CDH2: variants seen among roughly 807,000 people sequenced by gnomAD.
CDH2 encodes cadherin-2.
In CDH2, 17 loss-of-function variants were observed where a neutral mutation model predicts 92.0. The ratio of observed to expected loss-of-function variants is 0.18; its 90% CI spans 0.13 to 0.28. The LOEUF is 0.28. Among genes scored for constraint, CDH2 ranks in the 10% least tolerant of loss-of-function variants. The probability of loss-of-function intolerance (pLI) is 1.00; values close to 1 mark genes in which losing one functional copy is unlikely to be tolerated. For synonymous variants in CDH2, 419 were observed against 415.9 expected (o/e 1.01, Z -0.09); for missense variants, 862 against 1,133.1 (o/e 0.76, Z 3.44).
At chr18:27,953,570 C>T (rs898298230) in intron 15 of CDH2, among the ~76,000 whole-genome samples, 11 of 152,076 alleles carry the variant, frequency 7.2e-5, no homozygotes, top group African/African-American at 1.7e-4. Context: ...ATTTTATGAG[C>T]GCATACATGG....
chr18:27,957,706 T>C (rs1354482822), intron 15 of CDH2, among the ~76,000 whole-genome samples: 1 of 152,138 alleles, frequency 6.6e-6, no homozygotes, highest in African/African-American at 2.4e-5. Flanking sequence ...TGGGCGTAGT[T>C]TTTCCTGCTC....
At chr18:28,020,489 C>A (rs2144055392) in intron 2 of CDH2, among the ~76,000 whole-genome samples, 1 of 152,000 alleles carries the variant, frequency 6.6e-6, no homozygotes, top group Non-Finnish European at 1.5e-5. Context: ...CATTTGACTG[C>A]TGTAAGGAGA....
chr18:28,148,514 A>C (rs1160408987), intron 1 of CDH2, among the ~76,000 whole-genome samples: 1 of 152,196 alleles, frequency 6.6e-6, no homozygotes, highest in Admixed American at 6.5e-5. Flanking sequence ...CCTCCAAGTT[A>C]GTTGCCCTAC....
intron 2 of CDH2, among the ~76,000 whole-genome samples, chr18:28,065,821 AG>A: frequency 6.6e-6 from 1 of 152,318 alleles, no homozygotes; most frequent in East Asian, 1.9e-4. Context: ...CTTAGGTATG[AG>A]GTGATACAGC....
At chr18:28,047,447 C>T (rs1393191556) in intron 2 of CDH2, among the ~76,000 whole-genome samples, 1 of 152,130 alleles carries the variant, frequency 6.6e-6, no homozygotes, top group South Asian at 2.1e-4. Context: ...AAGCAACCTG[C>T]CCTATAAAGC....
Position 27,990,279 on chromosome 18 carries a change from C to T in CDH2, c.1416G>A (p.Lys472=), listed in dbSNP as rs199857913. ...TTGACTGAGGGGGGTGCTGAATTCC[C>T]TTGGCTAATGGCACTTGATTTTCTG... ...VAAENQVPLA[K]GIQHPPQSTA... The change falls in exon 10 of 16, where the codon AAG becomes AAA. Residue 472 remains lysine (K), a synonymous_variant. Transcript: ENST00000269141. The T allele has an allele frequency of 8.1e-6, 13 of 1,613,812 alleles. No homozygotes were observed. Among genetic ancestry groups the T allele is most frequent in the Non-Finnish European group, 1.1e-5 (13 of 1,179,854 alleles).
At chr18:28,097,329 A>G (rs1173425486) in intron 2 of CDH2, 1 of 151,808 alleles carries the variant, frequency 6.6e-6, no homozygotes, top group Non-Finnish European at 1.5e-5. Context: ...ATATGGTTAC[A>G]ATATTCCAAA....
chr18:28,075,533 A>G (rs1230636121), intron 2 of CDH2, among the ~76,000 whole-genome samples: 1 of 152,168 alleles, frequency 6.6e-6, no homozygotes, highest in Non-Finnish European at 1.5e-5. Flanking sequence ...AATGATCTAG[A>G]TATTGTCAGC....
Position 27,952,210 on chromosome 18 carries a change from G to T in CDH2, c.2664C>A (p.Asn888Lys), listed in dbSNP as rs201334347. The T allele has an allele frequency of 1.2e-6, 2 of 1,613,504 alleles. No individual in the cohort carries two copies. Among genetic ancestry groups the T allele is most frequent in the African/African-American group, 1.3e-5 (1 of 74,834 alleles). Residue 888 changes from asparagine to lysine, a missense_variant, in exon 16 of 16, where the codon AAC (asparagine) becomes AAA (lysine). Coordinates refer to ENST00000269141, the MANE Select transcript of CDH2 (RefSeq NM_001792.5). ...GTTTCTTGAACCGTGGCCCCCAGTCGTTCAGGTAATCATAGTCCTGCTCAC... is the reference window on the plus strand; with the variant it reads ...GTTTCTTGAACCGTGGCCCCCAGTCTTTCAGGTAATCATAGTCCTGCTCAC... ...SGGEQDYDYL[N>K]DWGPRFKKLA...
intron 6 of CDH2, among the ~76,000 whole-genome samples, chr18:27,936,646 C>A (rs1275252905): frequency 6.6e-6 from 1 of 152,192 alleles, no homozygotes; most frequent in East Asian, 1.9e-4. Flanking sequence ...TGTCCCACCT[C>A]AGCATCCTGA....
intron 2 of CDH2, among the ~76,000 whole-genome samples, chr18:28,106,408 T>C (rs12457737): frequency 0.23 from 34,928 of 150,862 alleles, 4,533 homozygotes; most frequent in Non-Finnish European, 0.3. Context: ...CAGAGTGAGA[T>C]TGCATTTCAA....
chr18:28,119,566 T>C (rs2015552738), intron 2 of CDH2, among the ~76,000 whole-genome samples: 1 of 152,136 alleles, frequency 6.6e-6, no homozygotes, highest in African/African-American at 2.4e-5. Flanking sequence ...TTGAGCAATA[T>C]TGAGTGGACA....
At chr18:28,089,546 A>G (rs888588591) in intron 2 of CDH2, among the ~76,000 whole-genome samples, 2 of 152,158 alleles carry the variant, frequency 1.3e-5, no homozygotes, top group African/African-American at 4.8e-5. Flanking sequence ...ATATAAATTG[A>G]TAGTCTGTAA....
At chr18:28,119,776 GC>G (rs2015556326) in intron 2 of CDH2, among the ~76,000 whole-genome samples, 1 of 152,074 alleles carries the variant, frequency 6.6e-6, no homozygotes, top group South Asian at 2.1e-4. Context: ...AGGTTGCTGT[GC>G]CTTTTAAGAA....
Position 27,963,369 on chromosome 18 carries a change from G to C in CDH2, c.2502C>G (p.Asp834Glu). 2.5e-6 allele frequency: 4 copies of C among 1,613,974 alleles called. No individual in the cohort carries two copies. The highest frequency in any genetic ancestry group is 3.4e-6 in the Non-Finnish European group (4 of 1,179,962). ...SAAPHPGDIGDFINEGLKAAD... is the reference protein window; with the variant it reads ...SAAPHPGDIGEFINEGLKAAD... ...TGTCTCTCTGTACCTCATTAATGAAGTCCCCAATGTCTCCAGGGTGTGGGG... is the reference window on the plus strand; with the variant it reads ...TGTCTCTCTGTACCTCATTAATGAACTCCCCAATGTCTCCAGGGTGTGGGG... The change falls in exon 15 of 16, where the codon GAC becomes GAG. Residue 834 changes from aspartate (D) to glutamate (E), a missense_variant. Physicochemically the swap from Asp to Glu is conservative, Grantham distance 45. Around this residue, in one of 5 missense-constraint regions of CDH2, gnomAD observed 114 missense variants for 144.8 expected, o/e 0.79. Coordinates refer to ENST00000269141, the MANE Select transcript of CDH2 (RefSeq NM_001792.5).
intron 2 of CDH2, among the ~76,000 whole-genome samples, chr18:28,043,511 TATATAA>T (rs1202893416): frequency 7.7e-6 from 1 of 130,172 alleles, no homozygotes; most frequent in African/African-American, 2.9e-5. Flanking sequence ...TATATATATA[TATATAA>T]ACAGGTTTGA....
chr18:28,036,179 G>C (rs1282513281), intron 2 of CDH2, among the ~76,000 whole-genome samples: 2 of 152,108 alleles, frequency 1.3e-5, no homozygotes, highest in Non-Finnish European at 2.9e-5. Context: ...TTGAAATACA[G>C]ATGTACAACT....
At chr18:28,136,004 T>C (rs1302466478) in intron 2 of CDH2, among the ~76,000 whole-genome samples, 2 of 152,212 alleles carry the variant, frequency 1.3e-5, no homozygotes, top group African/African-American at 4.8e-5. Context: ...ATCTGTTGAA[T>C]GAATGTACAG....
At chr18:28,176,915 G>A in intron 1 of CDH2, 48 bp downstream of exon 1, 6 of 1,098,312 alleles carry the variant, frequency 5.5e-6, no homozygotes, top group South Asian at 3.7e-5. Context: ...ACCCGGCGCC[G>A]CCCGCCCCAC....
Sources: allele counts gnomAD v4.1 joint callset (sites outside exome capture counted in the v4.1 genomes callset), GRCh38; gene constraint gnomAD v4.1.1; regional missense constraint gnomAD v4.1.1; transcripts MANE v1.5; gene names NCBI Gene and HGNC (gene_info 2026-07-23, HGNC 2026-07-21).